SUFU: variants seen among roughly 807,000 people sequenced by gnomAD.
SUFU encodes SUFU negative regulator of hedgehog signaling, also known as suppressor of fused homolog.
SUFU carries 7 observed loss-of-function variants against 58.9 expected under a neutral mutation model. The observed-to-expected ratio is 0.12, with a 90% CI of 0.07 to 0.22. The LOEUF is 0.22. Among genes scored for constraint, SUFU ranks in the 10% least tolerant of loss-of-function variants. The probability of loss-of-function intolerance (pLI) is 1.00; values close to 1 mark genes in which losing one functional copy is unlikely to be tolerated. For missense variants in SUFU, 451 were observed against 641.3 expected (o/e 0.70, Z 3.20); for synonymous variants, 232 against 254.8 (o/e 0.91, Z 0.85).
At chr10:102,514,530 C>A (rs950599785) in intron 2 of SUFU, among the ~76,000 whole-genome samples, 1 of 152,202 alleles carries the variant, frequency 6.6e-6, no homozygotes, top group African/African-American at 2.4e-5. Context: ...CAGGTCTGGG[C>A]AGCCACAGGA....
At chr10:102,603,007 C>T (rs976760611) in intron 8 of SUFU, among the ~76,000 whole-genome samples, 1 of 152,192 alleles carries the variant, frequency 6.6e-6, no homozygotes, top group Non-Finnish European at 1.5e-5. Context: ...AAGACTGTGC[C>T]TGCCAATATC....
chr10:102,588,619 C>G (rs150958859), intron 3 of SUFU, among the ~76,000 whole-genome samples: 1 of 152,126 alleles, frequency 6.6e-6, no homozygotes, highest in Non-Finnish European at 1.5e-5. Context: ...TGCATTTCCA[C>G]GTGAAGTTTT....
intron 8 of SUFU, among the ~76,000 whole-genome samples, chr10:102,603,178 T>A (rs1339956769): frequency 6.6e-6 from 1 of 152,150 alleles, no homozygotes; most frequent in Non-Finnish European, 1.5e-5. Flanking sequence ...TTCTTTTTTT[T>A]AGACACAGGG....
At chr10:102,611,256 T>C (rs1325458526) in intron 8 of SUFU, among the ~76,000 whole-genome samples, 1 of 152,228 alleles carries the variant, frequency 6.6e-6, no homozygotes, top group Non-Finnish European at 1.5e-5. Context: ...AAGTCTGTTA[T>C]GGGAAGATGG....
At chr10:102,599,826 T>C (rs1361922695) in intron 8 of SUFU, among the ~76,000 whole-genome samples, 3 of 152,198 alleles carry the variant, frequency 2.0e-5, no homozygotes, top group African/African-American at 4.8e-5. Context: ...GAAATCTGAC[T>C]TGGGGCCTCC....
intron 3 of SUFU, among the ~76,000 whole-genome samples, chr10:102,553,927 C>T (rs948922106): frequency 1.3e-4 from 20 of 152,178 alleles, no homozygotes; most frequent in Non-Finnish European, 2.8e-4. Flanking sequence ...TATTCTGTCT[C>T]TACAAAAATT....
chr10:102,532,023 C>T (rs2062683047), intron 2 of SUFU, among the ~76,000 whole-genome samples: 1 of 151,788 alleles, frequency 6.6e-6, no homozygotes. Context: ...GGCATAGTGG[C>T]ATGATCTTGG....
chr10:102,536,973 GC>G (rs1326615918), intron 2 of SUFU, among the ~76,000 whole-genome samples: 1 of 151,886 alleles, frequency 6.6e-6, no homozygotes, highest in Non-Finnish European at 1.5e-5. Flanking sequence ...ACCAAACCCA[GC>G]TAATTTTTGT....
At position 102,619,372 on chromosome 10, in the gene SUFU, A is replaced by G. The variant is rs1404618566; in HGVS notation, c.1296+1944A>G. The G allele has an allele frequency of 9.3e-6, 13 of 1,400,798 alleles. No homozygotes were observed. The highest frequency in any genetic ancestry group is 1.2e-5 in the Non-Finnish European group (13 of 1,078,180). 86.8% of individuals were successfully genotyped at this position (1,400,798 alleles called of 1,614,324 possible). A position where few individuals can be genotyped will look rare whatever the true frequency, so the allele number is the denominator to read the frequency against. ...GCTCCCCAGCACATGGTCCCCTCCC[A>G]TGGGCTGTTGCCCAGGGAACCGGGG... On this transcript the variant is annotated intron_variant, in intron 10 of 11. Transcript: ENST00000369902. The surrounding 1 kb of genome is among the most constrained non-coding windows in gnomAD (Gnocchi z 4.2).
In SUFU at chr10:102,509,188, T is replaced by C. The variant is rs1589975244; in HGVS notation, c.202T>C (p.Leu68=). The C allele has an allele frequency of 1.2e-6, 2 of 1,614,198 alleles. No individual in the cohort carries two copies. The highest frequency in any genetic ancestry group is 1.7e-6 in the Non-Finnish European group (2 of 1,180,036). ...VKYWLGGPDP[L]DYVSMYRNVG... is the part of the protein sequence containing the mutation. ...TTGCAGGTTGGGTGGCCCAGACCCCTTGGACTATGTTAGCATGTACAGGAA... is the reference window on the plus strand; with the variant it reads ...TTGCAGGTTGGGTGGCCCAGACCCCCTGGACTATGTTAGCATGTACAGGAA... The change falls in exon 2 of 12, where the codon TTG becomes CTG. Residue 68 remains leucine (L), a synonymous_variant. Transcript: ENST00000369902.
chr10:102,600,950 C>T (rs1213379309), intron 8 of SUFU, among the ~76,000 whole-genome samples: 2 of 152,212 alleles, frequency 1.3e-5, no homozygotes. Flanking sequence ...GATGGCCACA[C>T]CAGGTCATAC....
intron 2 of SUFU, among the ~76,000 whole-genome samples, chr10:102,527,864 G>A (rs1344798517): frequency 3.9e-5 from 6 of 152,208 alleles, no homozygotes. Context: ...AAAGGCCCTT[G>A]GGTAGATGCC....
rs372005469 is a variant in SUFU, at chr10:102,555,006, T to C, written c.454+4900T>C. ...TGGATTGGCCGGGCGCAGTGGCTCATGCCTGTAATCCCAGTACTCTGGGAG... is the reference window on the plus strand; with the variant it reads ...TGGATTGGCCGGGCGCAGTGGCTCACGCCTGTAATCCCAGTACTCTGGGAG... On this transcript the variant is annotated intron_variant, in intron 3 of 11. Transcript: ENST00000369902. 1.3e-3 allele frequency among the ~76,000 whole-genome samples: 201 copies of C among 152,302 alleles called. 1 individual carries two copies. The highest frequency in any genetic ancestry group is 6.8e-3 in the Middle Eastern group (2 of 294).
At chr10:102,621,334 G>A (rs552742902) in intron 10 of SUFU, among the ~76,000 whole-genome samples, 3 of 152,274 alleles carry the variant, frequency 2.0e-5, no homozygotes, top group African/African-American at 7.2e-5. Context: ...AATGCGCCTG[G>A]GGAAGTACCC....
chr10:102,514,691 T>G (rs2062444846), intron 2 of SUFU, among the ~76,000 whole-genome samples: 1 of 152,220 alleles, frequency 6.6e-6, no homozygotes, highest in African/African-American at 2.4e-5. Flanking sequence ...AGCTCTGGCC[T>G]TCCCCTTCAT....
Position 102,523,933 on chromosome 10 carries a change from C to G in SUFU, c.317+14630C>G, listed in dbSNP as rs1486326304. On this transcript the variant is annotated intron_variant, in intron 2 of 11. Coordinates refer to ENST00000369902, the MANE Select transcript of SUFU (RefSeq NM_016169.4). ...GCTCTGCTCTTCCTATTCTGCCCCC[C>G]TTGCTTTTCCTCTGAAGTGCCAGGC... Among the ~76,000 whole-genome samples the G allele has an allele frequency of 2.6e-5, 4 of 152,234 alleles. No homozygotes were observed. In the South Asian group the frequency reaches 6.2e-4, roughly 24 times the overall value.
At chr10:102,524,685 A>T (rs575024698) in intron 2 of SUFU, among the ~76,000 whole-genome samples, 2 of 152,064 alleles carry the variant, frequency 1.3e-5, no homozygotes, top group African/African-American at 2.4e-5. Flanking sequence ...ATTTTTTTTT[A>T]AATTACCATC....
chr10:102,518,010 G>A (rs979266182), intron 2 of SUFU, among the ~76,000 whole-genome samples: 2 of 152,160 alleles, frequency 1.3e-5, no homozygotes, highest in African/African-American at 4.8e-5. Flanking sequence ...ATGACAGTGA[G>A]GATTGGGACT....
At chr10:102,584,889 G>A (rs2063320876) in intron 3 of SUFU, among the ~76,000 whole-genome samples, 1 of 152,242 alleles carries the variant, frequency 6.6e-6, no homozygotes, top group African/African-American at 2.4e-5. Flanking sequence ...CTGACGTACT[G>A]TGAGACTGTG....
Sources: allele counts gnomAD v4.1 joint callset (sites outside exome capture counted in the v4.1 genomes callset), GRCh38; gene constraint gnomAD v4.1.1; non-coding constraint Gnocchi (gnomAD v3.1); transcripts MANE v1.5; gene names NCBI Gene and HGNC (gene_info 2026-07-23, HGNC 2026-07-21).